The following PSAT1 variants were observed in gnomAD, a reference collection of about 807,000 sequenced individuals.
PSAT1 encodes phosphoserine aminotransferase.
A neutral mutation model predicts 40.3 loss-of-function variants in PSAT1; 41 were observed. The ratio of observed to expected loss-of-function variants is 1.02; its 90% CI spans 0.79 to 1.32. PSAT1 has a LOEUF of 1.32. PSAT1 is among the 40% of genes most tolerant of loss of function. PSAT1 has a pLI of 0.00. For synonymous variants in PSAT1, 147 were observed against 170.5 expected (o/e 0.86, Z 1.07); for missense variants, 406 against 455.8 (o/e 0.89, Z 0.99).
chr9:78,324,733 G>T (rs1828473069), intron 7 of PSAT1, among the ~76,000 whole-genome samples: 2 of 152,030 alleles, frequency 1.3e-5, no homozygotes, highest in Non-Finnish European at 1.5e-5. Flanking sequence ...ACTTTGACAG[G>T]GATAGCCATA....
intron 1 of PSAT1, chr9:78,298,178 C>A (rs1250231025): frequency 8.3e-6 from 4 of 482,746 alleles, no homozygotes; most frequent in Non-Finnish European, 1.1e-5. Context: ...CCCGCCAAAC[C>A]CACCGTCCCC....
chr9:78,323,292 C>T (rs907052966), intron 7 of PSAT1, among the ~76,000 whole-genome samples: 11 of 152,232 alleles, frequency 7.2e-5, no homozygotes, highest in Admixed American at 2.6e-4. Context: ...ACAACAAGGC[C>T]AGGGACAGTG....
chr9:78,297,160 G>A lies in PSAT1; in HGVS notation c.-51G>A. ...ACCGCAGCGGCCAGGAACGCCAGCC[G>A]TTCACGCGTTCGGTCCTCCTTGGCT... On this transcript the variant is annotated 5_prime_UTR_variant, in exon 1 of 9. Coordinates refer to ENST00000376588, the MANE Select transcript of PSAT1 (RefSeq NM_058179.4). The A allele has an allele frequency of 7.8e-6, 12 of 1,547,930 alleles. No individual in the cohort carries two copies. Among genetic ancestry groups the A allele is most frequent in the Non-Finnish European group, 1.0e-5 (12 of 1,143,242 alleles).
chr9:78,323,409 A>AAAT (rs542558228), intron 7 of PSAT1, among the ~76,000 whole-genome samples: 363 of 152,070 alleles, frequency 2.4e-3, no homozygotes, highest in African/African-American at 8.2e-3. Flanking sequence ...TCGTCTCTAC[A>AAAT]AATAATAATA....
chr9:78,297,323 G>T (rs1469639054), intron 1 of PSAT1, 53 bp downstream of exon 1: 12 of 1,553,190 alleles, frequency 7.7e-6, no homozygotes, highest in Admixed American at 1.9e-5. Flanking sequence ...GAGCACGCAC[G>T]CGGGTGGGTT....
intron 6 of PSAT1, among the ~76,000 whole-genome samples, chr9:78,311,739 G>A (rs1828270913): frequency 6.6e-6 from 1 of 152,144 alleles, no homozygotes; most frequent in African/African-American, 2.4e-5. Flanking sequence ...GGCTGAGGCA[G>A]GAGAATCCCT....
intron 7 of PSAT1, among the ~76,000 whole-genome samples, chr9:78,320,573 A>G (rs1354463019): frequency 1.4e-5 from 2 of 143,684 alleles, no homozygotes; most frequent in Non-Finnish European, 3.0e-5. Flanking sequence ...CCTTCCACCT[A>G]TCCGCCCATC....
chr9:78,320,761 C>T (rs528567853), intron 7 of PSAT1, among the ~76,000 whole-genome samples: 3 of 151,690 alleles, frequency 2.0e-5, no homozygotes, highest in Admixed American at 6.6e-5. Context: ...CCTGGAAGAC[C>T]GAGAAGAATA....
chr9:78,304,215 A>G (rs1828147778), intron 3 of PSAT1, among the ~76,000 whole-genome samples: 1 of 152,072 alleles, frequency 6.6e-6, no homozygotes, highest in Non-Finnish European at 1.5e-5. Context: ...CAGGAAGGTG[A>G]TTTTCCCCCA....
intron 2 of PSAT1, among the ~76,000 whole-genome samples, 193 bp downstream of exon 2, chr9:78,300,855 A>G (rs145323224): frequency 1.3e-5 from 2 of 151,898 alleles, no homozygotes; most frequent in African/African-American, 2.4e-5. Flanking sequence ...AGCTAGGACT[A>G]TAGGTACACA....
intron 7 of PSAT1, among the ~76,000 whole-genome samples, chr9:78,326,955 A>ATATATATATATT: frequency 1.3e-5 from 1 of 75,964 alleles, no homozygotes; most frequent in African/African-American, 9.5e-5. Context: ...ATATATATAT[A>ATATATATATATT]TTTTTTTTTT....
rs376067862 is a variant in PSAT1 at position 78,308,408 on chromosome 9, T to C, written c.571-6T>C. 8.7e-6 allele frequency: 14 copies of C among 1,612,758 alleles called. No individual in the cohort carries two copies. The African/African-American group carries it at 1.6e-4, about 18-fold the overall frequency. The stretch of plus-strand genomic sequence containing the variant: ...TTCTTAAGCAGCATGTCTTTCTCTT[T>C]TTAAGTTTGGTGTGATTTTTGCTGG... On this transcript the variant is annotated splice_region_variant and splice_polypyrimidine_tract_variant and intron_variant, in intron 5 of 8. Coordinates refer to ENST00000376588, the MANE Select transcript of PSAT1 (RefSeq NM_058179.4).
chr9:78,297,376 G>GGGGACTCAAGGC, intron 1 of PSAT1, 106 bp downstream of exon 1: 3 of 1,312,790 alleles, frequency 2.3e-6, no homozygotes, highest in Non-Finnish European at 3.2e-6. Context: ...TCCCTGCCTT[G>GGGGACTCAAGGC]AGTCCCCTAG....
At chr9:78,304,058 A>G (rs771945926) in intron 3 of PSAT1, among the ~76,000 whole-genome samples, 1 of 152,218 alleles carries the variant, frequency 6.6e-6, no homozygotes, top group South Asian at 2.1e-4. Flanking sequence ...CCTGCCCAAC[A>G]TCCACCTGGT....
At chr9:78,323,838 G>C (rs1828461414) in intron 7 of PSAT1, among the ~76,000 whole-genome samples, 4 of 152,090 alleles carry the variant, frequency 2.6e-5, no homozygotes. Flanking sequence ...AGGCAGTAAG[G>C]AGAGGCCTAC....
chr9:78,297,373 C>T (rs1173075104), intron 1 of PSAT1, 103 bp downstream of exon 1: 9 of 1,326,356 alleles, frequency 6.8e-6, no homozygotes, highest in Non-Finnish European at 9.4e-6. Context: ...CGCTCCCTGC[C>T]TTGAGTCCCC....
intron 2 of PSAT1, among the ~76,000 whole-genome samples, chr9:78,301,410 T>C (rs1181525400): frequency 6.6e-6 from 1 of 152,218 alleles, no homozygotes; most frequent in Non-Finnish European, 1.5e-5. Context: ...TCTTATTAAG[T>C]TTCCCCTATA....
chr9:78,325,612 T>G (rs1828485929), intron 7 of PSAT1, among the ~76,000 whole-genome samples: 1 of 152,272 alleles, frequency 6.6e-6, no homozygotes, highest in Non-Finnish European at 1.5e-5. Flanking sequence ...GAATTCCTTA[T>G]CTGGCTTCTC....
At chr9:78,303,143 C>T (rs1030438733) in intron 3 of PSAT1, among the ~76,000 whole-genome samples, 1 of 152,102 alleles carries the variant, frequency 6.6e-6, no homozygotes, top group African/African-American at 2.4e-5. Flanking sequence ...TATGTTAGGA[C>T]CCATTCTTGC....
Sources: allele counts gnomAD v4.1 joint callset (sites outside exome capture counted in the v4.1 genomes callset), GRCh38; gene constraint gnomAD v4.1.1; transcripts MANE v1.5; gene names NCBI Gene and HGNC (gene_info 2026-07-23, HGNC 2026-07-21).